GRID1: variants seen among roughly 807,000 people sequenced by gnomAD.
GRID1 encodes glutamate receptor ionotropic, delta-1.
A neutral mutation model predicts 98.0 loss-of-function variants in GRID1; 28 were observed. The ratio of observed to expected loss-of-function variants is 0.29; its 90% confidence interval spans 0.21 to 0.39. The LOEUF (loss-of-function observed/expected upper bound fraction) is 0.39, where lower values mean the gene tolerates loss of function less well. GRID1 is among the 10% of genes least tolerant of loss of function. The pLI, the probability that GRID1 is intolerant of heterozygous loss-of-function variation, is 1.00. For synonymous variants in GRID1, 553 were observed against 538.5 expected (o/e 1.03, Z -0.37); for missense variants, 1,111 against 1,340.5 (o/e 0.83, Z 2.67).
intron 13 of GRID1, among the ~76,000 whole-genome samples, chr10:85,626,840 G>T (rs1157593265): frequency 6.6e-6 from 1 of 152,192 alleles, no homozygotes; most frequent in East Asian, 1.9e-4. Context: ...TTTTGCAATC[G>T]GCTGGTGGGA....
chr10:86,114,718 C>A (rs1183926071), intron 4 of GRID1, among the ~76,000 whole-genome samples: 1 of 152,202 alleles, frequency 6.6e-6, no homozygotes, highest in African/African-American at 2.4e-5. Context: ...CTAACTGGAA[C>A]CCCACTGAGT....
intron 10 of GRID1, among the ~76,000 whole-genome samples, chr10:85,727,208 G>C (rs1339676595): frequency 6.6e-6 from 1 of 152,170 alleles, no homozygotes; most frequent in African/African-American, 2.4e-5. Flanking sequence ...AGGGATGTCA[G>C]AAATTGTCAG....
At chr10:86,115,996 T>C (rs924548996) in intron 4 of GRID1, among the ~76,000 whole-genome samples, 4 of 152,228 alleles carry the variant, frequency 2.6e-5, no homozygotes, top group African/African-American at 7.2e-5. Context: ...TCCCATGCTA[T>C]GCAGGTTTGT....
In GRID1 at chr10:85,727,911, C is replaced by A; in HGVS notation, c.1477G>T (p.Gly493Cys). 1.2e-6 allele frequency: 2 copies of A among 1,613,850 alleles called. No individual in the cohort carries two copies. The highest frequency in any genetic ancestry group is 1.7e-6 in the Non-Finnish European group (2 of 1,179,864). ...CAGGAGGTGTTATGGAGCTGGTGAC[C>A]GTACCTGCCATCAGGGGCTTGGTAA... ...EIYQAPDGRY[G>C]HQLHNTSWNG... The change falls in exon 10 of 16, where the codon GGT (glycine) becomes TGT (cysteine). Residue 493 changes from glycine to cysteine, a missense_variant. By Grantham distance (159) the Gly-to-Cys change is radical. This residue lies in a region of GRID1 where 762 missense variants were observed against 869.1 expected (regional missense o/e 0.88). Transcript: ENST00000327946.
chr10:86,335,773 G>T (rs1848213188), intron 2 of GRID1, among the ~76,000 whole-genome samples: 1 of 152,198 alleles, frequency 6.6e-6, no homozygotes, highest in South Asian at 2.1e-4. Flanking sequence ...GGCCATGGAG[G>T]GGAGAGCTGG....
intron 13 of GRID1, among the ~76,000 whole-genome samples, chr10:85,625,627 C>T (rs1842903376): frequency 6.6e-6 from 1 of 152,168 alleles, no homozygotes; most frequent in Admixed American, 6.5e-5. Context: ...CAGCAAACAC[C>T]TTAGCAAGCA....
intron 4 of GRID1, among the ~76,000 whole-genome samples, chr10:85,938,152 C>G (rs1301567132): frequency 2.0e-5 from 3 of 152,114 alleles, no homozygotes; most frequent in Non-Finnish European, 4.4e-5. Flanking sequence ...AAAGATCTTG[C>G]CAGGGGGAAT....
At chr10:85,932,319 C>T (rs1166061039) in intron 4 of GRID1, among the ~76,000 whole-genome samples, 1 of 152,186 alleles carries the variant, frequency 6.6e-6, no homozygotes, top group East Asian at 1.9e-4. Flanking sequence ...TCAAGTGATC[C>T]TCCCACCTCA....
chr10:86,265,553 C>A (rs576087870), intron 2 of GRID1, among the ~76,000 whole-genome samples: 26 of 152,350 alleles, frequency 1.7e-4, no homozygotes, highest in Admixed American at 5.2e-4. Context: ...TACCACCAGC[C>A]CTGCCACGTG....
At chr10:86,287,522 C>G (rs921965347) in intron 2 of GRID1, among the ~76,000 whole-genome samples, 61 of 152,320 alleles carry the variant, frequency 4.0e-4, no homozygotes, top group African/African-American at 1.4e-3. Flanking sequence ...TGGGCTTGTG[C>G]ACCAGGACCA....
At chr10:85,683,194 G>A (rs761042421) in intron 12 of GRID1, among the ~76,000 whole-genome samples, 3 of 151,960 alleles carry the variant, frequency 2.0e-5, no homozygotes, top group Non-Finnish European at 4.4e-5. Flanking sequence ...CTAGAGGCTT[G>A]TTATAGGCAT....
intron 4 of GRID1, among the ~76,000 whole-genome samples, chr10:86,050,720 C>T (rs1443918240): frequency 3.3e-5 from 5 of 151,852 alleles, no homozygotes; most frequent in Non-Finnish European, 7.4e-5. Context: ...AAAGATACAC[C>T]AAGTTCTTGG....
chr10:85,849,059 A>C (rs885472), intron 8 of GRID1, among the ~76,000 whole-genome samples: 22,412 of 152,018 alleles, frequency 0.15, 1,895 homozygotes, highest in African/African-American at 0.2. Context: ...TGCTGTGCCC[A>C]CTTCCCAGGC....
At chr10:85,937,307 G>T (rs1391723873) in intron 4 of GRID1, among the ~76,000 whole-genome samples, 1 of 152,338 alleles carries the variant, frequency 6.6e-6, no homozygotes, top group African/African-American at 2.4e-5. Flanking sequence ...AGATGCAGGA[G>T]GTCAAAATGT....
At chr10:85,825,531 A>AT (rs1463718387) in intron 8 of GRID1, among the ~76,000 whole-genome samples, 1 of 152,126 alleles carries the variant, frequency 6.6e-6, no homozygotes, top group Non-Finnish European at 1.5e-5. Flanking sequence ...AAGCATTTGA[A>AT]TTTAATTATG....
At chr10:85,733,159 T>G (rs774016619) in intron 8 of GRID1, among the ~76,000 whole-genome samples, 5 of 152,194 alleles carry the variant, frequency 3.3e-5, no homozygotes, top group Non-Finnish European at 1.5e-5. Flanking sequence ...CAGCCCAATA[T>G]CCATGATTTA....
At chr10:86,125,485 T>C (rs1242264403) in intron 4 of GRID1, among the ~76,000 whole-genome samples, 3 of 152,146 alleles carry the variant, frequency 2.0e-5, no homozygotes, top group Non-Finnish European at 4.4e-5. Context: ...AGACCAAAAG[T>C]GCCTGTAATG....
intron 4 of GRID1, among the ~76,000 whole-genome samples, chr10:86,039,583 G>A (rs1037352104): frequency 2.0e-5 from 3 of 152,162 alleles, no homozygotes; most frequent in African/African-American, 7.2e-5. Context: ...GGAAGAGTTT[G>A]ACAGCCACTG....
chr10:86,112,329 T>C (rs546788645), intron 4 of GRID1, among the ~76,000 whole-genome samples: 3 of 152,288 alleles, frequency 2.0e-5, no homozygotes, highest in African/African-American at 7.2e-5. Context: ...GGATATGTAT[T>C]CTCTTCCCAG....
Sources: gnomAD v4.1 joint callset for allele counts (sites outside exome capture counted in the v4.1 genomes callset) on GRCh38, gnomAD v4.1.1 for gene constraint, gnomAD v4.1.1 regional missense constraint, MANE v1.5 for transcripts, NCBI Gene and HGNC (gene_info 2026-07-23, HGNC 2026-07-21) for gene names.